Variants in OTUD7A observed in about 807,000 individuals in gnomAD.
The protein encoded by OTUD7A is OTU domain-containing protein 7A.
OTUD7A carries 12 observed loss-of-function variants against 65.7 expected under a neutral mutation model. The ratio of observed to expected loss-of-function variants is 0.18; its 90% CI spans 0.12 to 0.30. The LOEUF is 0.30. Ranked by LOEUF, OTUD7A falls within the 10% of genes least tolerant of loss-of-function variation. The pLI is 1.00. For missense variants in OTUD7A, 1,148 were observed against 1,304.8 expected (o/e 0.88, Z 1.85); for synonymous variants, 641 against 586.3 (o/e 1.09, Z -1.35).
intron 1 of OTUD7A, among the ~76,000 whole-genome samples, chr15:31,738,679 C>T (rs984402920): frequency 2.6e-5 from 4 of 152,146 alleles, no homozygotes; most frequent in East Asian, 3.9e-4. Context: ...CAGCTCTCTC[C>T]GCAAGTGCAG....
chr15:31,661,643 A>G (rs3859013), intron 1 of OTUD7A, among the ~76,000 whole-genome samples: 53,294 of 152,040 alleles, frequency 0.35, 12,130 homozygotes, highest in African/African-American at 0.65. Context: ...CAGATAACAC[A>G]TTATTTCATC....
intron 3 of OTUD7A, among the ~76,000 whole-genome samples, chr15:31,616,331 C>T (rs999043488): frequency 7.2e-5 from 11 of 152,114 alleles, no homozygotes; most frequent in Non-Finnish European, 7.4e-5. Context: ...CTGGTGTGTG[C>T]GCTTGACAGA....
At chr15:31,838,753 C>G (rs1221089016) in intron 1 of OTUD7A, among the ~76,000 whole-genome samples, 11 of 151,700 alleles carry the variant, frequency 7.3e-5, no homozygotes, top group Admixed American at 2.0e-4. Flanking sequence ...CTTGAGGGGC[C>G]CCCACTACTC....
rs57061290 is a variant in OTUD7A, at chr15:31,642,587, ATT to A, written c.151+12507_151+12508del. ...TAATAAATATAGACCTATTCAAATC[ATT>A]TTTTTTTTTTCTTGCATAGGCTTTG... On this transcript the variant is annotated intron_variant, in intron 3 of 12. Coordinates refer to ENST00000307050, the MANE Select transcript of OTUD7A (RefSeq NM_001382637.1). Among the ~76,000 whole-genome samples, 1,195 of 148,384 alleles carry A rather than the reference ATT, an allele frequency of 8.1e-3. 11 individuals carry two copies. The highest frequency in any genetic ancestry group is 0.022 in the African/African-American group (916 of 41,094).
At chr15:31,817,584 G>T (rs1896583078) in intron 1 of OTUD7A, among the ~76,000 whole-genome samples, 1 of 152,176 alleles carries the variant, frequency 6.6e-6, no homozygotes, top group South Asian at 2.1e-4. Context: ...GGCTCCGAAA[G>T]TCAGGACATG....
intron 1 of OTUD7A, among the ~76,000 whole-genome samples, chr15:31,704,924 T>C (rs1893294741): frequency 6.6e-6 from 1 of 151,940 alleles, no homozygotes; most frequent in Non-Finnish European, 1.5e-5. Flanking sequence ...CCCCCCTGGA[T>C]ACGCCGTGGA....
intron 3 of OTUD7A, among the ~76,000 whole-genome samples, chr15:31,591,798 C>T (rs1889732753): frequency 2.6e-5 from 4 of 152,198 alleles, no homozygotes. Context: ...CTGAGAAATG[C>T]ATCACTAGGC....
At chr15:31,500,192 C>T (rs561603394) in intron 10 of OTUD7A, among the ~76,000 whole-genome samples, 1 of 152,176 alleles carries the variant, frequency 6.6e-6, no homozygotes, top group Non-Finnish European at 1.5e-5. Context: ...GTCAGCCCTA[C>T]GAAGAGCTAA....
At chr15:31,818,125 A>T (rs1427546837) in intron 1 of OTUD7A, among the ~76,000 whole-genome samples, 1 of 152,212 alleles carries the variant, frequency 6.6e-6, no homozygotes, top group African/African-American at 2.4e-5. Flanking sequence ...CAGACAATGA[A>T]TATGCCAGTG....
intron 8 of OTUD7A, among the ~76,000 whole-genome samples, chr15:31,516,268 A>G (rs2041853544): frequency 6.6e-6 from 1 of 152,222 alleles, no homozygotes; most frequent in African/African-American, 2.4e-5. Context: ...TTTCAGCAGC[A>G]ATGATAGGAT....
intron 1 of OTUD7A, among the ~76,000 whole-genome samples, chr15:31,662,536 A>G (rs1286513497): frequency 6.6e-6 from 1 of 152,230 alleles, no homozygotes; most frequent in Non-Finnish European, 1.5e-5. Context: ...AGTCTTTTCT[A>G]CATATCTTGT....
intron 1 of OTUD7A, among the ~76,000 whole-genome samples, chr15:31,762,552 C>G (rs1163879360): frequency 6.6e-6 from 1 of 152,226 alleles, no homozygotes; most frequent in Non-Finnish European, 1.5e-5. Context: ...GAATCTAACC[C>G]TAAACAGTAC....
intron 4 of OTUD7A, among the ~76,000 whole-genome samples, chr15:31,560,401 GATTTCTCTAA>G (rs1425894598): frequency 6.6e-6 from 1 of 152,200 alleles, no homozygotes; most frequent in Non-Finnish European, 1.5e-5. Context: ...CGCAGTGTAG[GATTTCTCTAA>G]GGTACAATAT....
chr15:31,560,710 T>C (rs1192802463), intron 4 of OTUD7A, among the ~76,000 whole-genome samples: 2 of 151,042 alleles, frequency 1.3e-5, no homozygotes, highest in Non-Finnish European at 2.9e-5. Context: ...TAAATAAGCA[T>C]TGTCTAAGCC....
chr15:31,793,086 G>T (rs1895861441), intron 1 of OTUD7A, among the ~76,000 whole-genome samples: 1 of 152,198 alleles, frequency 6.6e-6, no homozygotes, highest in South Asian at 2.1e-4. Flanking sequence ...TGCACACACA[G>T]CACTCAGGAG....
chr15:31,561,316 A>G (rs1566920874), intron 4 of OTUD7A, among the ~76,000 whole-genome samples: 1 of 152,206 alleles, frequency 6.6e-6, no homozygotes, highest in Non-Finnish European at 1.5e-5. Flanking sequence ...TGCCTCGTGC[A>G]AGCCATGCTG....
intron 3 of OTUD7A, among the ~76,000 whole-genome samples, chr15:31,580,294 G>C (rs1220980022): frequency 6.6e-6 from 1 of 152,192 alleles, no homozygotes; most frequent in East Asian, 1.9e-4. Context: ...TGCCAGGAGA[G>C]AGATGCCCTG....
At chr15:31,740,799 C>T (rs1894322133) in intron 1 of OTUD7A, among the ~76,000 whole-genome samples, 1 of 152,104 alleles carries the variant, frequency 6.6e-6, no homozygotes. Flanking sequence ...TTATAGAAGA[C>T]ATCTAAAGCA....
At chr15:31,527,097 G>A in intron 7 of OTUD7A, 84 bp downstream of exon 7, 1 of 1,559,026 alleles carries the variant, frequency 6.4e-7, no homozygotes, top group Non-Finnish European at 8.7e-7. Context: ...TCTGGGGCCT[G>A]GAGGCCATGC....
Sources: allele counts gnomAD v4.1 joint callset (sites outside exome capture counted in the v4.1 genomes callset), GRCh38; gene constraint gnomAD v4.1.1; transcripts MANE v1.5; gene names NCBI Gene and HGNC (gene_info 2026-07-23, HGNC 2026-07-21).